Variants in PRKAG2 observed in about 807,000 individuals in gnomAD.
The protein encoded by PRKAG2 is 5'-AMP-activated protein kinase subunit gamma-2.
A neutral mutation model predicts 69.6 loss-of-function variants in PRKAG2; 26 were observed. The ratio of observed to expected loss-of-function variants is 0.37; its 90% confidence interval spans 0.27 to 0.52. The LOEUF is 0.52. PRKAG2 is among the 20% of genes least tolerant of loss of function. PRKAG2 has a pLI of 0.90. For missense variants in PRKAG2, 557 were observed against 740.0 expected, an observed-to-expected ratio of 0.75 and a Z score of 2.87; for synonymous variants, 293 against 285.0, an observed-to-expected ratio of 1.03 and a Z score of -0.28.
At chr7:151,688,296 T>G (rs916712605) in intron 3 of PRKAG2, among the ~76,000 whole-genome samples, 6 of 152,236 alleles carry the variant, frequency 3.9e-5, no homozygotes, top group African/African-American at 1.4e-4. Flanking sequence ...AGGTCAGGAC[T>G]AGAGTTCGAG....
At chr7:151,859,666 GTCCC>G (rs1419873491) in intron 1 of PRKAG2, among the ~76,000 whole-genome samples, 3 of 152,220 alleles carry the variant, frequency 2.0e-5, no homozygotes, top group Non-Finnish European at 2.9e-5. Context: ...TGCCAGAGCT[GTCCC>G]TTGGCGCCAT....
At chr7:151,815,989 G>A (rs2078627620) in intron 1 of PRKAG2, among the ~76,000 whole-genome samples, 1 of 152,182 alleles carries the variant, frequency 6.6e-6, no homozygotes, top group African/African-American at 2.4e-5. Context: ...ATTCAGGTAA[G>A]GTTGATGGCA....
intron 4 of PRKAG2, among the ~76,000 whole-genome samples, chr7:151,659,620 G>A (rs922744427): frequency 1.2e-4 from 18 of 152,162 alleles, no homozygotes; most frequent in African/African-American, 3.4e-4. Flanking sequence ...TGCCTGGTGG[G>A]AAACAGAATT....
chr7:151,797,544 T>C (rs977701654), intron 1 of PRKAG2, among the ~76,000 whole-genome samples: 1 of 152,164 alleles, frequency 6.6e-6, no homozygotes, highest in Non-Finnish European at 1.5e-5. Context: ...GCCACCTCAG[T>C]GCTTCCAGAA....
At chr7:151,763,188 C>T (rs578227858) in intron 3 of PRKAG2, among the ~76,000 whole-genome samples, 203 of 152,378 alleles carry the variant, frequency 1.3e-3, no homozygotes, top group African/African-American at 4.1e-3. Flanking sequence ...AAGAATTAAG[C>T]GCCAGAATCT....
rs78981042 is a variant in PRKAG2, at chr7:151,606,974, C to T, written c.755-11520G>A. On this transcript the variant is annotated intron_variant, in intron 5 of 15. Transcript: ENST00000287878. The stretch of plus-strand genomic sequence containing the variant: ...GTGTTATAGGATAGAAGCATAATTA[C>T]AGAGTATCACACTGGGACTTGAGTT... Among the ~76,000 whole-genome samples, 647 of 152,342 alleles carry T rather than the reference C, an allele frequency of 4.2e-3. 3 individuals carry two copies. The highest frequency in any genetic ancestry group is 6.9e-3 in the Non-Finnish European group (466 of 68,026).
chr7:151,876,401 A>G lies in PRKAG2; in HGVS notation c.114+106T>C, dbSNP rs2080405892. ...TCCCCAAGCCGCCCGAAGTGACAGG[A>G]GGGGCACGCACGGCGCGCGCGGGGC... On this transcript the variant is annotated intron_variant, in intron 1 of 15. Coordinates refer to ENST00000287878, the MANE Select transcript of PRKAG2 (RefSeq NM_016203.4). The G allele has an allele frequency of 8.2e-6, 9 of 1,103,570 alleles. No homozygotes were observed. The Admixed American group carries it at 1.4e-4, about 17-fold the overall frequency. 68.4% of individuals were successfully genotyped at this position (1,103,570 alleles called of 1,614,324 possible).
chr7:151,638,557 C>G lies in PRKAG2; in HGVS notation c.685-6419G>C, dbSNP rs4725420. ...GCTGAGGCAGGAGAATCGCTTGAAC[C>G]CAGGAGGCGGAACTTGGAGTGAGCC... On this transcript the variant is annotated intron_variant, in intron 4 of 15. Transcript: ENST00000287878. The surrounding 1 kb of genome is among the most constrained non-coding windows in gnomAD (Gnocchi z 4.3). Among the ~76,000 whole-genome samples the G allele has an allele frequency of 0.13, 20,277 of 152,010 alleles. 1,550 individuals carry two copies. Among genetic ancestry groups the G allele is most frequent in the African/African-American group, 0.18 (7,544 of 41,418 alleles).
chr7:151,574,601 T>G (rs1423995982), intron 8 of PRKAG2, among the ~76,000 whole-genome samples: 1 of 152,234 alleles, frequency 6.6e-6, no homozygotes, highest in South Asian at 2.1e-4. Context: ...CTAATAAATA[T>G]GTAGAATTCT....
At chr7:151,640,508 TC>T (rs1290085549) in intron 4 of PRKAG2, among the ~76,000 whole-genome samples, 1 of 152,124 alleles carries the variant, frequency 6.6e-6, no homozygotes, top group Non-Finnish European at 1.5e-5. Flanking sequence ...GACCATACAC[TC>T]CCTGCTGTAA....
In PRKAG2 at chr7:151,639,639, C is replaced by T. The variant is rs142208693; in HGVS notation, c.685-7501G>A. ...CTTCCTGCTCTTGGGCATCAGAACTCCAGGCTCTCCTGCCTTGACACTGGG... is the reference window on the plus strand; with the variant it reads ...CTTCCTGCTCTTGGGCATCAGAACTTCAGGCTCTCCTGCCTTGACACTGGG... On this transcript the variant is annotated intron_variant, in intron 4 of 15. Transcript: ENST00000287878. Among the ~76,000 whole-genome samples, 1,006 of 152,346 alleles carry T rather than the reference C, an allele frequency of 6.6e-3. 10 individuals carry two copies. The highest frequency in any genetic ancestry group is 9.1e-3 in the Non-Finnish European group (622 of 68,038).
At chr7:151,847,030 G>T (rs1057183504) in intron 1 of PRKAG2, among the ~76,000 whole-genome samples, 14 of 152,360 alleles carry the variant, frequency 9.2e-5, no homozygotes, top group Middle Eastern at 3.4e-3. Flanking sequence ...AAGCGGCTGG[G>T]TGAGGGACTG....
intron 15 of PRKAG2, chr7:151,559,623 C>T (rs1804480016): frequency 2.0e-6 from 2 of 985,082 alleles, no homozygotes; most frequent in Non-Finnish European, 2.4e-6. Context: ...GTGAAGATTC[C>T]TTTAGGGTAG....
intron 4 of PRKAG2, among the ~76,000 whole-genome samples, chr7:151,669,132 T>A (rs767885013): frequency 6.6e-6 from 1 of 152,034 alleles, no homozygotes; most frequent in Non-Finnish European, 1.5e-5. Flanking sequence ...AATCTTTAAT[T>A]TCTCCCTGCA....
chr7:151,633,649 TAATAC>T (rs1055040363), intron 4 of PRKAG2, among the ~76,000 whole-genome samples: 2 of 152,058 alleles, frequency 1.3e-5, no homozygotes, highest in East Asian at 1.9e-4. Flanking sequence ...CAATATCACT[TAATAC>T]AATCACTTCA....
At chr7:151,566,693 G>A in intron 11 of PRKAG2, 1 of 377,218 alleles carries the variant, frequency 2.7e-6, no homozygotes, top group Non-Finnish European at 5.2e-6. Flanking sequence ...TTCAAATCAT[G>A]AGACTCCTAG....
chr7:151,629,736 G>A (rs763201676), intron 5 of PRKAG2, among the ~76,000 whole-genome samples: 4 of 152,156 alleles, frequency 2.6e-5, no homozygotes, highest in Non-Finnish European at 4.4e-5. Flanking sequence ...CACGTACAGC[G>A]AATATATCTC....
intron 3 of PRKAG2, among the ~76,000 whole-genome samples, chr7:151,744,128 A>G (rs933578336): frequency 2.0e-5 from 3 of 152,196 alleles, no homozygotes; most frequent in South Asian, 2.1e-4. Flanking sequence ...CCCTTCCACA[A>G]GAGACACAAT....
At chr7:151,649,163 T>C (rs1350075888) in intron 4 of PRKAG2, among the ~76,000 whole-genome samples, 1 of 152,172 alleles carries the variant, frequency 6.6e-6, no homozygotes, top group Non-Finnish European at 1.5e-5. Context: ...TCTCATTCTG[T>C]TGCCGAGGTT....
Sources: allele counts gnomAD v4.1 joint callset (sites outside exome capture counted in the v4.1 genomes callset), GRCh38; gene constraint gnomAD v4.1.1; non-coding constraint Gnocchi (gnomAD v3.1); transcripts MANE v1.5; gene names NCBI Gene and HGNC (gene_info 2026-07-23, HGNC 2026-07-21).